HCN4: variants seen among roughly 807,000 people sequenced by gnomAD.
HCN4 encodes the protein potassium/sodium hyperpolarization-activated cyclic nucleotide-gated channel 4.
Under a neutral mutation model 76.9 loss-of-function variants are expected in HCN4, and 29 were observed. The observed-to-expected ratio is 0.38, with a 90% CI of 0.28 to 0.51. The LOEUF (loss-of-function observed/expected upper bound fraction) is 0.51. HCN4 is among the 20% of genes least tolerant of loss of function. The pLI is 0.90. For synonymous variants in HCN4, 772 were observed against 762.5 expected, an observed-to-expected ratio of 1.01 and a Z score of -0.21; for missense variants, 1,416 against 1,715.2, an observed-to-expected ratio of 0.83 and a Z score of 3.08.
At chr15:73,363,089 A>G (rs2043112944) in intron 1 of HCN4, among the ~76,000 whole-genome samples, 1 of 152,168 alleles carries the variant, frequency 6.6e-6, no homozygotes, top group South Asian at 2.1e-4. Context: ...CCCCTCTGCA[A>G]CTAGGCACCC....
At chr15:73,336,854 C>G (rs974640865) in intron 2 of HCN4, among the ~76,000 whole-genome samples, 18 of 152,160 alleles carry the variant, frequency 1.2e-4, no homozygotes, top group Non-Finnish European at 2.2e-4. Flanking sequence ...CAGACCATGT[C>G]ACTCTCTTAC....
rs554881181 is a variant in HCN4, at chr15:73,322,350, T to C, written c.*131A>G. On this transcript the variant is annotated 3_prime_UTR_variant, in exon 8 of 8. Coordinates refer to ENST00000261917, the MANE Select transcript of HCN4 (RefSeq NM_005477.3). ...AATACCTGGTTATTTTCTGCTGTCT[T>C]TTGTTTTTCTGGTGTGTGTGGTTTT... 4.7e-6 allele frequency: 4 copies of C among 843,728 alleles called. No homozygotes were observed. In the African/African-American group the frequency reaches 5.1e-5, roughly 11 times the overall value. The allele number at this position is 843,728 out of a possible 1,614,324, so 52.3% of individuals were successfully genotyped here.
chr15:73,359,747 A>C (rs1290634902), intron 1 of HCN4, among the ~76,000 whole-genome samples: 2 of 152,144 alleles, frequency 1.3e-5, no homozygotes, highest in Non-Finnish European at 2.9e-5. Flanking sequence ...ATAAGCCCTG[A>C]TTCTGGTCAC....
At chr15:73,338,934 A>T (rs115376668) in intron 2 of HCN4, among the ~76,000 whole-genome samples, 1,845 of 152,282 alleles carry the variant, frequency 0.012, 36 homozygotes, top group African/African-American at 0.043. Context: ...TCCTTGTGTC[A>T]TCTCCACTTC....
intron 1 of HCN4, among the ~76,000 whole-genome samples, chr15:73,366,387 A>G (rs1231376832): frequency 6.6e-6 from 1 of 152,176 alleles, no homozygotes; most frequent in Non-Finnish European, 1.5e-5. Context: ...TAGGCAAGGA[A>G]GGGAGATAAG....
chr15:73,360,275 G>A (rs554182579), intron 1 of HCN4, among the ~76,000 whole-genome samples: 6 of 152,290 alleles, frequency 3.9e-5, no homozygotes, highest in African/African-American at 9.6e-5. Flanking sequence ...AAGCTTGAAG[G>A]CCTTTGCAGA....
At position 73,325,290 on chromosome 15, in the gene HCN4, C is replaced by T. The variant is rs1178916509; in HGVS notation, c.1737+8G>A. On this transcript the variant is annotated splice_region_variant and intron_variant, in intron 5 of 7. Transcript: ENST00000261917. The surrounding 1 kb of genome is among the most constrained non-coding windows in gnomAD (Gnocchi z 7.4). The stretch of plus-strand genomic sequence containing the variant: ...CTCCCCTCCACGCCGGGCCGCCACA[C>T]AGCTCACCTCCCGCAGGGGCTCGCT... 2 of 1,614,174 alleles carry T rather than the reference C, an allele frequency of 1.2e-6. No individual in the cohort carries two copies. Among genetic ancestry groups the T allele is most frequent in the South Asian group, 2.2e-5 (2 of 91,076 alleles).
Position 73,368,131 on chromosome 15 carries a change from C to T in HCN4, c.140G>A (p.Ser47Asn), listed in dbSNP as rs1426506590. 5.3e-6 allele frequency: 8 copies of T among 1,514,166 alleles called. No homozygotes were observed. In the Admixed American group the frequency reaches 1.4e-4, roughly 27 times the overall value. The allele number at this position is 1,514,166 out of a possible 1,614,324, so 93.8% of individuals were successfully genotyped here. The change falls in exon 1 of 8, where the codon AGC (serine) becomes AAC (asparagine). Residue 47 changes from serine to asparagine, a missense_variant. This residue lies in a region of HCN4 where 355 missense variants were observed against 347.8 expected (regional missense o/e 1.02). Transcript: ENST00000261917. This position sits in a 1 kb window ranked among gnomAD's most constrained non-coding sequence, Gnocchi z 6.9. Reference sequence around the variant, plus strand: ...CGAGGGCAGTGGCCGCAGCCGGATGCTCCTGCGGCTGGGGTCTTGGCGGCC... The same window carrying T: ...CGAGGGCAGTGGCCGCAGCCGGATGTTCCTGCGGCTGGGGTCTTGGCGGCC... ...AGGRQDPSRR[S>N]IRLRPLPSPS...
rs1450027138 is a variant in HCN4 at position 73,325,858 on chromosome 15, A to G, written c.1591-414T>C. On this transcript the variant is annotated intron_variant, in intron 4 of 7. Transcript: ENST00000261917. The surrounding 1 kb of genome is among the most constrained non-coding windows in gnomAD (Gnocchi z 7.4). ...AAGCTGTTTCCTCCCAGCAGTGACA[A>G]CTGGCACAGTCAGGAGGCAAGGGTG... Among the ~76,000 whole-genome samples the G allele has an allele frequency of 6.6e-6, 1 of 152,156 alleles. No homozygotes were observed. Among genetic ancestry groups the G allele is most frequent in the Non-Finnish European group, 1.5e-5 (1 of 68,026 alleles).
At chr15:73,362,148 A>C (rs1443687015) in intron 1 of HCN4, among the ~76,000 whole-genome samples, 1 of 152,238 alleles carries the variant, frequency 6.6e-6, no homozygotes, top group Non-Finnish European at 1.5e-5. Context: ...GCAGCAGTGC[A>C]GGAAAGGAGG....
chr15:73,330,150 C>T (rs887234869), intron 3 of HCN4, among the ~76,000 whole-genome samples: 1 of 152,216 alleles, frequency 6.6e-6, no homozygotes, highest in Non-Finnish European at 1.5e-5. Context: ...AGCTCCACCC[C>T]CCAACCCCCT....
rs3833037 is a variant in HCN4, at chr15:73,321,778, CA to C, written c.*702del. 0.29 allele frequency: 44,885 copies of C among 153,508 alleles called. 7,567 individuals are homozygous for C. Among genetic ancestry groups the C allele is most frequent in the East Asian group, 0.53 (2,751 of 5,152 alleles). The allele number at this position is 153,508 out of a possible 1,614,324, so 9.5% of individuals were successfully genotyped here. A position where few individuals can be genotyped will look rare whatever the true frequency, so the allele number is the denominator to read the frequency against. The stretch of plus-strand genomic sequence containing the variant: ...ACCATGCAGTGCACAGCCTGTGGGC[CA>C]AGGCGGGTTGCTGGGTGTAAGGTGA... On this transcript the variant is annotated 3_prime_UTR_variant, in exon 8 of 8. Transcript: ENST00000261917.
rs761388375 is a variant in HCN4 at position 73,328,691 on chromosome 15, T to A, written c.1590+882A>T. Reference sequence around the variant, plus strand: ...AAACAGAGCTCGGCAGCAGAGAAGCTGGGGTAGGGCCCAGGTGGCCTGACT... The same window carrying A: ...AAACAGAGCTCGGCAGCAGAGAAGCAGGGGTAGGGCCCAGGTGGCCTGACT... On this transcript the variant is annotated intron_variant, in intron 4 of 7. Transcript: ENST00000261917. This position sits in a 1 kb window ranked among gnomAD's most constrained non-coding sequence, Gnocchi z 4.0. Among the ~76,000 whole-genome samples the A allele has an allele frequency of 6.6e-6, 1 of 151,910 alleles. No homozygotes were observed. Among genetic ancestry groups the A allele is most frequent in the African/African-American group, 2.4e-5 (1 of 41,342 alleles).
chr15:73,353,909 T>C (rs2043066259), intron 1 of HCN4, among the ~76,000 whole-genome samples: 2 of 152,126 alleles, frequency 1.3e-5, no homozygotes, highest in African/African-American at 4.8e-5. Flanking sequence ...TCACTGTTGT[T>C]CTTCCCTGAC....
At chr15:73,324,051 A>AC in intron 7 of HCN4, 38 bp downstream of exon 7, 1 of 1,587,920 alleles carries the variant, frequency 6.3e-7, no homozygotes, top group South Asian at 1.1e-5. Flanking sequence ...CTCCCCCAAC[A>AC]CCCCCCACCT....
chr15:73,324,102 G>A lies in HCN4; in HGVS notation c.2130C>T (p.Arg710=). ...CCTCCCCCTCACCAATGCGGTCCAG[G>A]CGGTCCAGCGCCACGGTCTCGAAGG... ...RRAFETVALD[R]LDRIGKKNSI... is the part of the protein sequence containing the mutation. The change falls in exon 7 of 8, where the codon CGC becomes CGT. Residue 710 remains arginine, a synonymous_variant. Transcript: ENST00000261917. 1 of 1,613,254 alleles carries A rather than the reference G, an allele frequency of 6.2e-7. No homozygotes were observed. The highest frequency in any genetic ancestry group is 1.8e-4 in the Middle Eastern group (1 of 5,460).
At chr15:73,330,246 G>A (rs1211988659) in intron 3 of HCN4, among the ~76,000 whole-genome samples, 2 of 152,256 alleles carry the variant, frequency 1.3e-5, no homozygotes, top group Admixed American at 1.3e-4. Context: ...AGCTCTGGCG[G>A]ACTGAGCCGA....
chr15:73,329,462 G>A (rs2042919455), intron 4 of HCN4, 111 bp downstream of exon 4: 3 of 965,128 alleles, frequency 3.1e-6, no homozygotes, highest in Admixed American at 2.1e-5. Context: ...TGGGAGTTCC[G>A]ATCCTGTGGG....
In HCN4 at chr15:73,322,900, C is replaced by T. The variant is rs2042870599; in HGVS notation, c.3193G>A (p.Val1065Ile). 1 of 1,430,712 alleles carries T rather than the reference C, an allele frequency of 7.0e-7. No individual in the cohort carries two copies. 88.6% of individuals were successfully genotyped at this position (1,430,712 alleles called of 1,614,324 possible). A position where few individuals can be genotyped will look rare whatever the true frequency, so the allele number is the denominator to read the frequency against. The change falls in exon 8 of 8, where the codon GTC (valine) becomes ATC (isoleucine). Residue 1065 changes from valine to isoleucine, a missense_variant. Val to Ile is a conservative substitution (Grantham distance 29). This residue lies in a region of HCN4 where 633 missense variants were observed against 579.8 expected (regional missense o/e 1.09). Coordinates refer to ENST00000261917, the MANE Select transcript of HCN4 (RefSeq NM_005477.3). ...PPASSPPPPQ[V>I]PQRRGTPPLT... ...GGGGGTGTGCCCCGGCGCTGGGGGA[C>T]CTGGGGTGGTGGGGGGCTGGATGCA...
Sources: gnomAD v4.1 joint callset for allele counts (sites outside exome capture counted in the v4.1 genomes callset) on GRCh38, gnomAD v4.1.1 for gene constraint, gnomAD v4.1.1 regional missense constraint, Gnocchi (gnomAD v3.1) non-coding constraint, MANE v1.5 for transcripts, NCBI Gene and HGNC (gene_info 2026-07-23, HGNC 2026-07-21) for gene names.